The following XPOT variants were observed in gnomAD, a reference collection of about 807,000 sequenced individuals.
XPOT encodes the protein exportin for tRNA.
In XPOT, 34 loss-of-function variants were observed where a neutral mutation model predicts 128.2. The observed-to-expected ratio is 0.27, with a 90% confidence interval of 0.20 to 0.35. XPOT has a LOEUF of 0.35. XPOT is among the 10% of genes least tolerant of loss of function. The pLI is 1.00. For synonymous variants in XPOT, 348 were observed against 394.3 expected, an observed-to-expected ratio of 0.88 and a Z score of 1.39; for missense variants, 838 against 1,125.3, an observed-to-expected ratio of 0.74 and a Z score of 3.65.
chr12:64,408,826 A>G (rs2040007880), intron 1 of XPOT, among the ~76,000 whole-genome samples: 1 of 152,084 alleles, frequency 6.6e-6, no homozygotes, highest in East Asian at 1.9e-4. Context: ...GGCATGTGCC[A>G]CCAAGCCTGG....
At chr12:64,424,342 TTAA>T (rs1467355958) in intron 11 of XPOT, among the ~76,000 whole-genome samples, 1 of 152,210 alleles carries the variant, frequency 6.6e-6, no homozygotes, top group African/African-American at 2.4e-5. Context: ...GTTATTAAGC[TTAA>T]TAAGTTTTTC....
chr12:64,431,144 A>G (rs1362562091), intron 17 of XPOT, among the ~76,000 whole-genome samples: 1 of 152,128 alleles, frequency 6.6e-6, no homozygotes, highest in Non-Finnish European at 1.5e-5. Flanking sequence ...GGTTTTGACC[A>G]TGTTGTCCAG....
chr12:64,439,439 A>C, intron 23 of XPOT, 124 bp downstream of exon 23: 8 of 826,992 alleles, frequency 9.7e-6, no homozygotes, highest in Admixed American at 2.4e-5. Flanking sequence ...CCAGCATCTC[A>C]AAATACTGTT....
chr12:64,418,234 CT>C (rs1565796429), intron 5 of XPOT, 119 bp downstream of exon 5: 4 of 779,438 alleles, frequency 5.1e-6, no homozygotes, highest in Non-Finnish European at 8.1e-6. Context: ...GATTTCATAG[CT>C]TTTTTAAAAG....
chr12:64,432,602 A>C (rs1466856970), intron 18 of XPOT, among the ~76,000 whole-genome samples: 2 of 152,076 alleles, frequency 1.3e-5, no homozygotes, highest in Admixed American at 6.6e-5. Context: ...TACTCATTTG[A>C]TCTTCATACC....
chr12:64,435,577 C>A, intron 21 of XPOT, 50 bp from the exon 22 acceptor site: 1 of 1,501,058 alleles, frequency 6.7e-7, no homozygotes, highest in Non-Finnish European at 9.0e-7. Flanking sequence ...AGAGCTGGAT[C>A]ACTAAACAAG....
intron 22 of XPOT, among the ~76,000 whole-genome samples, chr12:64,436,903 T>C (rs893255372): frequency 3.3e-5 from 5 of 152,238 alleles, no homozygotes; most frequent in Non-Finnish European, 5.9e-5. Context: ...TGGAATTGGT[T>C]GCCAACATTT....
chr12:64,409,868 T>C (rs1017759424), intron 1 of XPOT, 94 bp from the exon 2 acceptor site: 1 of 561,962 alleles, frequency 1.8e-6, no homozygotes, highest in African/African-American at 1.9e-5. Context: ...ACATTTAAGC[T>C]TCTTTGCATG....
intron 4 of XPOT, among the ~76,000 whole-genome samples, chr12:64,416,956 T>G (rs1359886824): frequency 6.6e-6 from 1 of 152,218 alleles, no homozygotes; most frequent in Admixed American, 6.5e-5. Flanking sequence ...CTCTCGCCTG[T>G]AATCCGAGCA....
chr12:64,414,304 C>T (rs1031663058), intron 2 of XPOT, among the ~76,000 whole-genome samples: 19 of 152,166 alleles, frequency 1.2e-4, no homozygotes, highest in African/African-American at 3.1e-4. Context: ...AAAACTTCCT[C>T]GAGCTTTGAC....
intron 2 of XPOT, among the ~76,000 whole-genome samples, chr12:64,413,056 C>T (rs928374143): frequency 2.0e-5 from 3 of 152,148 alleles, no homozygotes; most frequent in African/African-American, 7.2e-5. Context: ...AGTCCCTTCT[C>T]CCCTTCCCAG....
chr12:64,415,042 G>A (rs1309422637), intron 3 of XPOT, 53 bp downstream of exon 3: 6 of 1,132,126 alleles, frequency 5.3e-6, no homozygotes, highest in Non-Finnish European at 7.9e-6. Context: ...GACATGACAG[G>A]ACTGTGAAAT....
chr12:64,425,167 G>T lies in XPOT; in HGVS notation c.1437G>T (p.Gln479His). 6.2e-7 allele frequency: 1 copy of T among 1,614,014 alleles called. No individual in the cohort carries two copies. Among genetic ancestry groups the T allele is most frequent in the Non-Finnish European group, 8.5e-7 (1 of 1,179,990 alleles). The change falls in exon 13 of 25, where the codon CAG becomes CAT. Residue 479 changes from glutamine to histidine, a missense_variant. Transcript: ENST00000332707. ...ATGTTTCAAAAGCTAGTGCTTTGCA[G>T]GATATGATGCGAACTGTAAGTATAC... The part of the protein sequence containing the change: ...SGDVSKASAL[Q>H]DMMRTLVTSG...
At chr12:64,418,521 GTTTTCA>G in intron 5 of XPOT, among the ~76,000 whole-genome samples, 1 of 152,136 alleles carries the variant, frequency 6.6e-6, no homozygotes, top group South Asian at 2.1e-4. Flanking sequence ...TGTAGCTAGA[GTTTTCA>G]TTTTCCTTAA....
Position 64,450,876 on chromosome 12 carries a change from AAAACACTGTGTGGTATTTTAAT to A in XPOT, c.*2746_*2767del, listed in dbSNP as rs2040406938. The A allele has an allele frequency of 6.6e-6, 1 of 152,242 alleles. No individual in the cohort carries two copies. Among genetic ancestry groups the A allele is most frequent in the African/African-American group, 2.4e-5 (1 of 41,466 alleles). 9.4% of individuals were successfully genotyped at this position (152,242 alleles called of 1,614,324 possible). On this transcript the variant is annotated 3_prime_UTR_variant, in exon 25 of 25. Coordinates refer to ENST00000332707, the MANE Select transcript of XPOT (RefSeq NM_007235.6). ...CTTCCCAGTTGGTTGACCTTATAAG[AAAACACTGTGTGGTATTTTAAT>A]GTGGTAAACATGTGAATGAAGGCCT...
intron 17 of XPOT, among the ~76,000 whole-genome samples, chr12:64,431,094 C>T (rs1454965610): frequency 6.6e-6 from 1 of 152,098 alleles, no homozygotes; most frequent in African/African-American, 2.4e-5. Context: ...CAGGCATGTG[C>T]TACCACACCC....
At chr12:64,434,990 A>G in intron 21 of XPOT, 81 bp downstream of exon 21, 1 of 1,189,398 alleles carries the variant, frequency 8.4e-7, no homozygotes. Context: ...TGATTATATT[A>G]TGTTTCATTG....
intron 15 of XPOT, among the ~76,000 whole-genome samples, chr12:64,427,699 C>T (rs1464626210): frequency 3.3e-5 from 5 of 151,936 alleles, no homozygotes; most frequent in Admixed American, 1.3e-4. Flanking sequence ...CACCACATTG[C>T]CCAGCCTGGT....
At chr12:64,439,146 A>G in intron 22 of XPOT, 98 bp from the exon 23 acceptor site, 2 of 1,168,512 alleles carry the variant, frequency 1.7e-6, no homozygotes, top group South Asian at 1.3e-5. Context: ...TAAGCACAAT[A>G]CTATATTGCC....
Sources: gnomAD v4.1 joint callset for allele counts (sites outside exome capture counted in the v4.1 genomes callset) on GRCh38, gnomAD v4.1.1 for gene constraint, MANE v1.5 for transcripts, NCBI Gene and HGNC (gene_info 2026-07-23, HGNC 2026-07-21) for gene names.